UGT1A7: variants seen among roughly 807,000 people sequenced by gnomAD.
UGT1A7 encodes the protein UDP-glucuronosyltransferase 1A7.
UGT1A7 carries 33 observed loss-of-function variants against 45.6 expected under a neutral mutation model. That is an observed-to-expected ratio of 0.72 (90% CI 0.55 to 0.97). The LOEUF (loss-of-function observed/expected upper bound fraction) is 0.97. Among genes scored for constraint, UGT1A7 ranks in the 50% least tolerant of loss-of-function variants. The probability of loss-of-function intolerance (pLI) is 0.00; values close to 1 mark genes in which losing one functional copy is unlikely to be tolerated. For missense variants in UGT1A7, 684 were observed against 666.2 expected (o/e 1.03, Z -0.29); for synonymous variants, 274 against 250.6 (o/e 1.09, Z -0.88).
chr2:233,766,947 A>G (rs749614811), intron 1 of UGT1A7, 87 bp from the exon 2 acceptor site: 24 of 1,599,406 alleles, frequency 1.5e-5, no homozygotes, highest in Non-Finnish European at 2.0e-5. Context: ...TAGTCTTAAG[A>G]GGAAGATATC....
chr2:233,757,539 T>TATATACATATACATATATAC (rs762018928), intron 1 of UGT1A7, among the ~76,000 whole-genome samples: 1 of 115,748 alleles, frequency 8.6e-6, no homozygotes, highest in African/African-American at 3.8e-5. Flanking sequence ...GTAAGGAATA[T>TATATACATATACATATATAC]ATATATATAT....
rs3064744 is a variant in UGT1A7, at chr2:233,760,233, C to CATAT, written c.856-6789_856-6786dup. ...ACTTGGTGTATCGATTGGTTTTTGCCATATATATATATATAAGTAGGAGAG... is the reference window on the plus strand; with the variant it reads ...ACTTGGTGTATCGATTGGTTTTTGCCATATATATATATATATATAAGTAGGAGAG... On this transcript the variant is annotated intron_variant, in intron 1 of 4. Coordinates refer to ENST00000373426, the MANE Select transcript of UGT1A7 (RefSeq NM_019077.3). 3.8e-3 allele frequency: 5,602 copies of CATAT among 1,482,566 alleles called. 51 individuals are homozygous for CATAT. The African/African-American group carries it at 0.05, about 13-fold the overall frequency. The allele number at this position is 1,482,566 out of a possible 1,614,324, so 91.8% of individuals were successfully genotyped here.
At chr2:233,743,080 T>G in intron 1 of UGT1A7, 1 of 343,656 alleles carries the variant, frequency 2.9e-6, no homozygotes. Flanking sequence ...TGGCATGAAG[T>G]GTTTATAAAT....
rs2076750903 is a variant in UGT1A7, at chr2:233,719,310, T to G, written c.855+36518T>G. On this transcript the variant is annotated intron_variant, in intron 1 of 4. Transcript: ENST00000373426. The stretch of plus-strand genomic sequence containing the variant: ...CCTCTGTGGGGCGGTGCTGGCTAAG[T>G]ACCTGTCGATTCCTGCTGTGTTTTT... 5 of 1,613,982 alleles carry G rather than the reference T, an allele frequency of 3.1e-6. No homozygotes were observed. In the East Asian group the frequency reaches 1.1e-4, roughly 36 times the overall value.
In UGT1A7 at chr2:233,772,298, C is replaced by G; in HGVS notation, c.1332C>G (p.His444Gln). ...KENIMRLSSL[H>Q]KDRPVEPLDL... ...ACATCATGCGCCTCTCCAGCCTTCACAAGGACCGCCCGGTGGAGCCGCTGG... is the reference window on the plus strand; with the variant it reads ...ACATCATGCGCCTCTCCAGCCTTCAGAAGGACCGCCCGGTGGAGCCGCTGG... The change falls in exon 5 of 5, where the codon CAC becomes CAG. Residue 444 changes from histidine (H) to glutamine (Q), a missense_variant. By Grantham distance (24) the His-to-Gln change is conservative. Coordinates refer to ENST00000373426, the MANE Select transcript of UGT1A7 (RefSeq NM_019077.3). The G allele has an allele frequency of 1.9e-6, 3 of 1,614,234 alleles. No homozygotes were observed. The highest frequency in any genetic ancestry group is 8.5e-7 in the Non-Finnish European group (1 of 1,180,048).
At chr2:233,726,326 A>C (rs1219361867) in intron 1 of UGT1A7, among the ~76,000 whole-genome samples, 1 of 152,188 alleles carries the variant, frequency 6.6e-6, no homozygotes, top group Non-Finnish European at 1.5e-5. Context: ...CAGGAGTTTC[A>C]GCACCTGTGG....
intron 1 of UGT1A7, chr2:233,742,614 C>T (rs1692039877): frequency 6.6e-6 from 1 of 151,940 alleles, no homozygotes; most frequent in Admixed American, 6.5e-5. Context: ...TGGAGAACCA[C>T]GTTCAGGCTG....
chr2:233,756,811 T>C (rs1696332579), intron 1 of UGT1A7, among the ~76,000 whole-genome samples: 1 of 152,156 alleles, frequency 6.6e-6, no homozygotes. Context: ...TAAAGGTCAC[T>C]CAATTCCAAG....
At chr2:233,710,976 C>A (rs993531240) in intron 1 of UGT1A7, among the ~76,000 whole-genome samples, 3 of 152,198 alleles carry the variant, frequency 2.0e-5, no homozygotes, top group Non-Finnish European at 4.4e-5. Flanking sequence ...GGGGAATATA[C>A]AATCATTCAG....
At chr2:233,752,054 T>C (rs778755699) in intron 1 of UGT1A7, among the ~76,000 whole-genome samples, 4 of 152,312 alleles carry the variant, frequency 2.6e-5, no homozygotes, top group South Asian at 4.2e-4. Flanking sequence ...GTGTGAATGA[T>C]TTCCCGAGAT....
At chr2:233,706,654 T>C (rs1204703163) in intron 1 of UGT1A7, among the ~76,000 whole-genome samples, 1 of 152,174 alleles carries the variant, frequency 6.6e-6, no homozygotes, top group Non-Finnish European at 1.5e-5. Flanking sequence ...GCCCCATCAC[T>C]GTAGGTCTGA....
At chr2:233,747,122 G>A in intron 1 of UGT1A7, 1 of 1,481,738 alleles carries the variant, frequency 6.7e-7, no homozygotes, top group Non-Finnish European at 9.1e-7. Flanking sequence ...GATTTGCTAA[G>A]TGGCTCAGTG....
chr2:233,691,173 G>C, intron 1 of UGT1A7: 1 of 985,646 alleles, frequency 1.0e-6, no homozygotes, highest in Non-Finnish European at 1.2e-6. Context: ...CCTAATGTCT[G>C]CCTGCTCAAG....
intron 1 of UGT1A7, chr2:233,693,173 G>A (rs1245867453): frequency 1.2e-6 from 2 of 1,614,068 alleles, no homozygotes; most frequent in Non-Finnish European, 1.7e-6. Flanking sequence ...TCATGAGATT[G>A]TAGTGGTGGT....
At position 233,769,521 on chromosome 2, in the gene UGT1A7, C is replaced by A. The variant is rs753723506; in HGVS notation, c.1295+1082C>A. The A allele has an allele frequency of 4.3e-6, 7 of 1,612,800 alleles. No homozygotes were observed. The East Asian group carries it at 1.6e-4, about 36-fold the overall frequency. On this transcript the variant is annotated intron_variant, in intron 4 of 4. Transcript: ENST00000373426. The surrounding 1 kb of genome is among the most constrained non-coding windows in gnomAD (Gnocchi z 4.4). ...TGTCCATTGCTTTCTCCCATGGTTACCTCCTTTAGAAAGAAGCAGCAGTCA... is the reference window on the plus strand; with the variant it reads ...TGTCCATTGCTTTCTCCCATGGTTAACTCCTTTAGAAAGAAGCAGCAGTCA...
intron 1 of UGT1A7, among the ~76,000 whole-genome samples, chr2:233,699,604 T>C (rs1376144779): frequency 6.6e-6 from 1 of 152,188 alleles, no homozygotes; most frequent in African/African-American, 2.4e-5. Flanking sequence ...GCCTGGTCTA[T>C]AGAAAGGAAT....
chr2:233,726,096 G>T (rs1250649132), intron 1 of UGT1A7, among the ~76,000 whole-genome samples: 3 of 152,168 alleles, frequency 2.0e-5, no homozygotes, highest in African/African-American at 7.2e-5. Flanking sequence ...ATCCGAGGAG[G>T]TGGAGGCTGC....
chr2:233,703,033 C>T (rs2075720547), intron 1 of UGT1A7, among the ~76,000 whole-genome samples: 3 of 152,196 alleles, frequency 2.0e-5, no homozygotes, highest in African/African-American at 7.2e-5. Flanking sequence ...GGTATTCATT[C>T]TTTACATATT....
chr2:233,755,108 C>T lies in UGT1A7; in HGVS notation c.856-11926C>T, dbSNP rs1275990290. ...CGCGTTTCTACGCGTCCGACAACAC[C>T]TCGTAGGCCTCAGCCACCTGCTTGA... On this transcript the variant is annotated intron_variant, in intron 1 of 4. Transcript: ENST00000373426. 8 of 1,333,390 alleles carry T rather than the reference C, an allele frequency of 6.0e-6. No individual in the cohort carries two copies. In the Admixed American group the frequency reaches 9.5e-5, roughly 16 times the overall value. The allele number at this position is 1,333,390 out of a possible 1,614,324, so 82.6% of individuals were successfully genotyped here. A position where few individuals can be genotyped will look rare whatever the true frequency, so the allele number is the denominator to read the frequency against.
Sources: gnomAD v4.1 joint callset for allele counts (sites outside exome capture counted in the v4.1 genomes callset) on GRCh38, gnomAD v4.1.1 for gene constraint, Gnocchi (gnomAD v3.1) non-coding constraint, MANE v1.5 for transcripts, NCBI Gene and HGNC (gene_info 2026-07-23, HGNC 2026-07-21) for gene names.